ZNF587B: variants seen among roughly 807,000 people sequenced by gnomAD.
The protein encoded by ZNF587B is zinc finger protein 587B.
In ZNF587B, 6 loss-of-function variants were observed where a neutral mutation model predicts 7.2. The observed-to-expected ratio is 0.83, with a 90% CI of 0.46 to 1.65. ZNF587B has a LOEUF of 1.65. ZNF587B is among the 40% of genes most tolerant of loss of function. The probability of loss-of-function intolerance (pLI) is 0.01; values close to 1 mark genes in which losing one functional copy is unlikely to be tolerated. For missense variants in ZNF587B, 749 were observed against 761.0 expected (o/e 0.98, Z 0.19); for synonymous variants, 274 against 254.3 (o/e 1.08, Z -0.74).
chr19:57,841,946 C>G lies in ZNF587B; in HGVS notation c.1272C>G (p.His424Gln). The stretch of plus-strand genomic sequence containing the variant: ...GGAAATCTTTTAATGAAAAAGGACA[C>G]CTTAGGAGTCATCAGCGAGTTCACA... ...DCGKSFNEKG[H>Q]LRSHQRVHTT... Residue 424 changes from histidine to glutamine, a missense_variant, in exon 3 of 3, where the codon CAC (histidine) becomes CAG (glutamine). By Grantham distance (24) the His-to-Gln change is conservative. Coordinates refer to ENST00000594901, the MANE Select transcript of ZNF587B (RefSeq NM_001376223.1). 6.2e-7 allele frequency: 1 copy of G among 1,612,850 alleles called. No individual in the cohort carries two copies. Among genetic ancestry groups the G allele is most frequent in the Non-Finnish European group, 8.5e-7 (1 of 1,179,440 alleles).
rs986158956 is a variant in ZNF587B at position 57,842,732 on chromosome 19, A to G, written c.*156A>G. On this transcript the variant is annotated 3_prime_UTR_variant, in exon 3 of 3. Transcript: ENST00000594901. ...ACCAGAGAAAAGTCCTTACAAGTAA[A>G]ATAAATTTGGCAGTTTTGTAGCCAC... is the stretch of plus-strand genomic sequence containing the variant. 2.6e-5 allele frequency: 26 copies of G among 985,290 alleles called. No homozygotes were observed. Among genetic ancestry groups the G allele is most frequent in the Non-Finnish European group, 3.0e-5 (25 of 829,934 alleles). The allele number at this position is 985,290 out of a possible 1,614,324, so 61.0% of individuals were successfully genotyped here.
chr19:57,841,409 T>C lies in ZNF587B; in HGVS notation c.735T>C (p.Cys245=). 6.3e-7 allele frequency: 1 copy of C among 1,585,304 alleles called. No individual in the cohort carries two copies. Among genetic ancestry groups the C allele is most frequent in the South Asian group, 1.1e-5 (1 of 88,110 alleles). ...LLPREECYVC[C]ECGKSFSKYV... ...CTCGAGAAGAATGTTATGTGTGCTG[T>C]GAATGTGGGAAATCCTTTAGCAAAT... The change falls in exon 3 of 3, where the codon TGT becomes TGC. Residue 245 remains cysteine, a synonymous_variant. Coordinates refer to ENST00000594901, the MANE Select transcript of ZNF587B (RefSeq NM_001376223.1).
intron 1 of ZNF587B, among the ~76,000 whole-genome samples, chr19:57,833,220 T>C (rs1202695215): frequency 6.8e-6 from 1 of 147,698 alleles, no homozygotes; most frequent in African/African-American, 2.5e-5. Flanking sequence ...CTACCTGGTG[T>C]TCCTTTGCAC....
Position 57,841,353 on chromosome 19 carries a change from C to G in ZNF587B, c.679C>G (p.His227Asp). The change falls in exon 3 of 3, where the codon CAT (histidine) becomes GAT (aspartate). Residue 227 changes from histidine to aspartate, a missense_variant. His to Asp is a moderately conservative substitution (Grantham distance 81). This residue lies in a region of ZNF587B where 656 missense variants were observed against 596.5 expected (regional missense o/e 1.10). Transcript: ENST00000594901. The stretch of plus-strand genomic sequence containing the variant: ...TTCCATGAAACATTTTAGCACCAAA[C>G]ATATACTCAGTCAGCACCAGAGACT... The part of the protein sequence containing the change: ...GDSMKHFSTK[H>D]ILSQHQRLLP... 3.1e-6 allele frequency: 5 copies of G among 1,601,000 alleles called. No homozygotes were observed. The highest frequency in any genetic ancestry group is 1.3e-5 in the African/African-American group (1 of 74,800).
In ZNF587B at chr19:57,845,611, C is replaced by T. The variant is rs928531331; in HGVS notation, c.*3035C>T. 2 of 152,162 alleles carry T rather than the reference C, an allele frequency of 1.3e-5. No individual in the cohort carries two copies. The highest frequency in any genetic ancestry group is 4.8e-5 in the African/African-American group (2 of 41,436). The allele number at this position is 152,162 out of a possible 1,614,324, so 9.4% of individuals were successfully genotyped here. Reference sequence around the variant, plus strand: ...TTTGCTTCTATGGAGGCTAGTTTCCCCACTTAGGGCATGAGAAGAATTGGT... The same window carrying T: ...TTTGCTTCTATGGAGGCTAGTTTCCTCACTTAGGGCATGAGAAGAATTGGT... On this transcript the variant is annotated 3_prime_UTR_variant, in exon 3 of 3. Coordinates refer to ENST00000594901, the MANE Select transcript of ZNF587B (RefSeq NM_001376223.1).
At position 57,843,592 on chromosome 19, in the gene ZNF587B, T is replaced by TTG. The variant is rs1988951745; in HGVS notation, c.*1017_*1018insGT. The stretch of plus-strand genomic sequence containing the variant: ...GTTGGTTGGTTGGTTGGTTGGTTGT[T>TTG]TTTTTTTGTTTTTTTTTTTTTTTTT... On this transcript the variant is annotated 3_prime_UTR_variant, in exon 3 of 3. Coordinates refer to ENST00000594901, the MANE Select transcript of ZNF587B (RefSeq NM_001376223.1). 3.5e-6 allele frequency: 3 copies of TTG among 846,240 alleles called. No individual in the cohort carries two copies. In the African/African-American group the frequency reaches 8.9e-5, roughly 25 times the overall value. 52.4% of individuals were successfully genotyped at this position (846,240 alleles called of 1,614,324 possible).
chr19:57,838,720 G>A (rs1988727131), intron 1 of ZNF587B, among the ~76,000 whole-genome samples: 1 of 152,206 alleles, frequency 6.6e-6, no homozygotes, highest in African/African-American at 2.4e-5. Context: ...AAAGAATGAG[G>A]TGCGTTCAGA....
intron 1 of ZNF587B, among the ~76,000 whole-genome samples, chr19:57,832,510 A>G (rs534388954): frequency 1.3e-5 from 2 of 152,294 alleles, no homozygotes; most frequent in Non-Finnish European, 2.9e-5. Context: ...ATCTGTCTGA[A>G]AGGTCACGTA....
chr19:57,831,754 G>C (rs1988408564), intron 1 of ZNF587B, among the ~76,000 whole-genome samples: 1 of 149,670 alleles, frequency 6.7e-6, no homozygotes, highest in African/African-American at 2.5e-5. Context: ...ACCCAGCCTG[G>C]AGTACAGTGG....
rs1988928158 is a variant in ZNF587B at position 57,843,267 on chromosome 19, T to C, written c.*691T>C. 1 of 983,030 alleles carries C rather than the reference T, an allele frequency of 1.0e-6. No homozygotes were observed. The highest frequency in any genetic ancestry group is 1.2e-6 in the Non-Finnish European group (1 of 827,958). 60.9% of individuals were successfully genotyped at this position (983,030 alleles called of 1,614,324 possible). ...TCAGCCTCCCAAAGTGCTGAGATTG[T>C]AGGTTTGAGTCACTGTGCTCAGCCA... On this transcript the variant is annotated 3_prime_UTR_variant, in exon 3 of 3. Transcript: ENST00000594901.
In ZNF587B at chr19:57,844,221, C is replaced by T; in HGVS notation, c.*1645C>T. On this transcript the variant is annotated 3_prime_UTR_variant, in exon 3 of 3. Transcript: ENST00000594901. ...GACTTGAAAAGATGGACTATTTTGGCTAAGCATGGTGGCTCATGCCTGTAA... is the reference window on the plus strand; with the variant it reads ...GACTTGAAAAGATGGACTATTTTGGTTAAGCATGGTGGCTCATGCCTGTAA... 2.3e-6 allele frequency: 1 copy of T among 436,986 alleles called. No homozygotes were observed. The highest frequency in any genetic ancestry group is 4.5e-6 in the Non-Finnish European group (1 of 220,016). The allele number at this position is 436,986 out of a possible 1,614,324, so 27.1% of individuals were successfully genotyped here. A position where few individuals can be genotyped will look rare whatever the true frequency, so the allele number is the denominator to read the frequency against.
chr19:57,843,587 G>GTGTTTTTTTTTTTTTTTTTTTTTTTTT lies in ZNF587B; in HGVS notation c.*1012_*1013insGTTTTTTTTTTTTTTTTTTTTTTTTTT. 1.4e-6 allele frequency: 1 copy of GTGTTTTTTTTTTTTTTTTTTTTTTTTT among 738,198 alleles called. No homozygotes were observed. Among genetic ancestry groups the GTGTTTTTTTTTTTTTTTTTTTTTTTTT allele is most frequent in the Non-Finnish European group, 1.6e-6 (1 of 639,028 alleles). The allele number at this position is 738,198 out of a possible 1,614,324, so 45.7% of individuals were successfully genotyped here. A position where few individuals can be genotyped will look rare whatever the true frequency, so the allele number is the denominator to read the frequency against. On this transcript the variant is annotated 3_prime_UTR_variant, in exon 3 of 3. Coordinates refer to ENST00000594901, the MANE Select transcript of ZNF587B (RefSeq NM_001376223.1). ...GTTTGGTTGGTTGGTTGGTTGGTTG[G>GTGTTTTTTTTTTTTTTTTTTTTTTTTT]TTGTTTTTTTTTGTTTTTTTTTTTT...
chr19:57,830,915 AG>A (rs939244594), intron 1 of ZNF587B, among the ~76,000 whole-genome samples: 20 of 152,020 alleles, frequency 1.3e-4, no homozygotes, highest in East Asian at 9.7e-4. Flanking sequence ...TAGAAAGGGG[AG>A]GGGGGGTCTA....
chr19:57,838,432 C>G (rs1411814636), intron 1 of ZNF587B, among the ~76,000 whole-genome samples: 1 of 152,074 alleles, frequency 6.6e-6, no homozygotes, highest in Non-Finnish European at 1.5e-5. Flanking sequence ...GAAACCCCGT[C>G]TCTACTAAAA....
Position 57,842,049 on chromosome 19 carries a change from G to A in ZNF587B, c.1375G>A (p.Gly459Ser). The A allele has an allele frequency of 6.3e-7, 1 of 1,590,062 alleles. No individual in the cohort carries two copies. The highest frequency in any genetic ancestry group is 8.6e-7 in the Non-Finnish European group (1 of 1,167,900). ...HKGNLILHQH[G>S]HTRKRPYMCW... ...GGGTAACCTCATTCTACACCAGCAT[G>A]GCCATACTAGAAAAAGGCCTTATAT... The change falls in exon 3 of 3, where the codon GGC becomes AGC. Residue 459 changes from glycine (G) to serine (S), a missense_variant. By Grantham distance (56) the Gly-to-Ser change is moderately conservative (BLOSUM62 0). Coordinates refer to ENST00000594901, the MANE Select transcript of ZNF587B (RefSeq NM_001376223.1).
In ZNF587B at chr19:57,830,469, G is replaced by A; in HGVS notation, c.-60G>A. ...CCTGGGCCAGGATAGGGACCGTCAT[G>A]CCCATATCTCCTGGCTGGTCACCCT... On this transcript the variant is annotated 5_prime_UTR_variant, in exon 1 of 3. The change abolishes an upstream ATG in the 5' untranslated region. Coordinates refer to ENST00000594901, the MANE Select transcript of ZNF587B (RefSeq NM_001376223.1). 6.5e-7 allele frequency: 1 copy of A among 1,538,818 alleles called. No individual in the cohort carries two copies. Among genetic ancestry groups the A allele is most frequent in the Non-Finnish European group, 8.8e-7 (1 of 1,139,832 alleles).
rs757836473 is a variant in ZNF587B at position 57,842,404 on chromosome 19, C to T, written c.1730C>T (p.Pro577Leu). The T allele has an allele frequency of 1.9e-6, 3 of 1,600,860 alleles. No homozygotes were observed. In the East Asian group the frequency reaches 6.7e-5, roughly 36 times the overall value. ...SHRRVHTGQK[P>L]YECSECGKSF... The stretch of plus-strand genomic sequence containing the variant: ...AGGAGAGTTCACACTGGTCAGAAGC[C>T]TTATGAGTGCAGTGAATGTGGGAAA... Residue 577 changes from proline (P) to leucine (L), a missense_variant, in exon 3 of 3, where the codon CCT (proline) becomes CTT (leucine). By Grantham distance (98) the Pro-to-Leu change is moderately conservative. Around this residue, in one of 3 missense-constraint regions of ZNF587B, gnomAD observed 656 missense variants for 596.5 expected, o/e 1.10. Coordinates refer to ENST00000594901, the MANE Select transcript of ZNF587B (RefSeq NM_001376223.1).
In ZNF587B at chr19:57,841,665, T is replaced by C; in HGVS notation, c.991T>C (p.Cys331Arg). 6.2e-7 allele frequency: 1 copy of C among 1,604,678 alleles called. No individual in the cohort carries two copies. Among genetic ancestry groups the C allele is most frequent in the Non-Finnish European group, 8.5e-7 (1 of 1,175,586 alleles). ...AGKGPYECGE[C>R]GKSFSSNVNL... ...AAAAGGGCCTTATGAGTGTGGAGAA[T>C]GTGGGAAATCTTTTAGTTCAAACGT... Residue 331 changes from cysteine to arginine, a missense_variant, in exon 3 of 3, where the codon TGT becomes CGT. Physicochemically the swap from Cys to Arg is radical, Grantham distance 180. This residue lies in a region of ZNF587B where 656 missense variants were observed against 596.5 expected (regional missense o/e 1.10). Transcript: ENST00000594901.
chr19:57,838,347 A>T (rs1439259290), intron 1 of ZNF587B, among the ~76,000 whole-genome samples: 5 of 152,106 alleles, frequency 3.3e-5, no homozygotes, highest in Non-Finnish European at 7.3e-5. Context: ...TCAAGCCTGT[A>T]ATCCCAGTAC....
Sources: gnomAD v4.1 joint callset for allele counts (sites outside exome capture counted in the v4.1 genomes callset) on GRCh38, gnomAD v4.1.1 for gene constraint, gnomAD v4.1.1 regional missense constraint, MANE v1.5 for transcripts, NCBI Gene and HGNC (gene_info 2026-07-23, HGNC 2026-07-21) for gene names.